The following DPP9 variants were observed in gnomAD, a reference collection of about 807,000 sequenced individuals.
The protein encoded by DPP9 is dipeptidyl peptidase IV-related protein-2.
DPP9 carries 50 observed loss-of-function variants against 110.7 expected under a neutral mutation model. That is an observed-to-expected ratio of 0.45 (90% CI 0.36 to 0.57). The LOEUF (loss-of-function observed/expected upper bound fraction) is 0.57, where lower values mean the gene tolerates loss of function less well. Among genes scored for constraint, DPP9 ranks in the 20% least tolerant of loss-of-function variants. DPP9 has a pLI of 0.00. For missense variants in DPP9, 1,022 were observed against 1,217.9 expected (o/e 0.84, Z 2.39); for synonymous variants, 561 against 514.4 (o/e 1.09, Z -1.23).
rs372739858 is a variant in DPP9 at position 4,695,560 on chromosome 19, G to A, written c.1176-5C>T. On this transcript the variant is annotated splice_region_variant and splice_polypyrimidine_tract_variant and intron_variant, in intron 11 of 21. Transcript: ENST00000262960. The surrounding 1 kb of genome is among the most constrained non-coding windows in gnomAD (Gnocchi z 4.7). Reference sequence around the variant, plus strand: ...TCCAGGAACATGGCCCAGGCGCTAAGGGGGAAGATGCGGGGGAAGATGAGA... The same window carrying A: ...TCCAGGAACATGGCCCAGGCGCTAAAGGGGAAGATGCGGGGGAAGATGAGA... 4.8e-6 allele frequency: 7 copies of A among 1,467,276 alleles called. No homozygotes were observed. In the African/African-American group the frequency reaches 8.7e-5, roughly 18 times the overall value. 90.9% of individuals were successfully genotyped at this position (1,467,276 alleles called of 1,614,324 possible). A position where few individuals can be genotyped will look rare whatever the true frequency, so the allele number is the denominator to read the frequency against.
chr19:4,683,208 G>A (rs934362730), intron 19 of DPP9: 157 of 1,427,280 alleles, frequency 1.1e-4, no homozygotes, highest in Non-Finnish European at 1.4e-4. Flanking sequence ...ATCCGAGGCC[G>A]GGGTCCCGGG....
At position 4,710,821 on chromosome 19, in the gene DPP9, C is replaced by T. The variant is rs1434487423; in HGVS notation, c.313+3260G>A. Among the ~76,000 whole-genome samples, 1 of 152,090 alleles carries T rather than the reference C, an allele frequency of 6.6e-6. No homozygotes were observed. Among genetic ancestry groups the T allele is most frequent in the Non-Finnish European group, 1.5e-5 (1 of 68,020 alleles). On this transcript the variant is annotated intron_variant, in intron 4 of 21. Coordinates refer to ENST00000262960, the MANE Select transcript of DPP9 (RefSeq NM_139159.5). This position sits in a 1 kb window ranked among gnomAD's most constrained non-coding sequence, Gnocchi z 5.6. ...TGGAGTCGTTGAAGGGTGAATTTCA[C>T]CCCGAAAGGGGCAGTCTGGTTTTTG... is the stretch of plus-strand genomic sequence containing the variant.
Position 4,695,495 on chromosome 19 carries a change from C to T in DPP9, c.1236G>A (p.Pro412=), listed in dbSNP as rs771985674. ...QQWLQLVLLP[P]ALFIPSTENE... ...TCTCTGTGCTCGGGATGAACAGGGC[C>T]GGGGGGAGGAGGACGAGCTGGAGCC... is the stretch of plus-strand genomic sequence containing the variant. The change falls in exon 12 of 22, where the codon CCG becomes CCA. Residue 412 remains proline, a synonymous_variant. Transcript: ENST00000262960. The surrounding 1 kb of genome is among the most constrained non-coding windows in gnomAD (Gnocchi z 4.7). 72 of 1,553,926 alleles carry T rather than the reference C, an allele frequency of 4.6e-5. No individual in the cohort carries two copies. Among genetic ancestry groups the T allele is most frequent in the Middle Eastern group, 1.7e-4 (1 of 5,908 alleles).
At chr19:4,683,433 G>T (rs1394070680) in intron 19 of DPP9, 44 bp downstream of exon 19, 1 of 1,610,484 alleles carries the variant, frequency 6.2e-7, no homozygotes. Context: ...TGGGGAAGGG[G>T]GCAGGGAGGG....
rs192661957 is a variant in DPP9 at position 4,684,899 on chromosome 19, C to T, written c.2032-90G>A. 5 of 1,509,968 alleles carry T rather than the reference C, an allele frequency of 3.3e-6. No homozygotes were observed. The highest frequency in any genetic ancestry group is 2.5e-5 in the East Asian group (1 of 40,736). The allele number at this position is 1,509,968 out of a possible 1,614,324, so 93.5% of individuals were successfully genotyped here. A position where few individuals can be genotyped will look rare whatever the true frequency, so the allele number is the denominator to read the frequency against. ...GATGCCGGTGGGCTGGGGACCGGGC[C>T]GGGCTGGGGCCTCAGAGCCTAATGA... is the stretch of plus-strand genomic sequence containing the variant. On this transcript the variant is annotated intron_variant, in intron 17 of 21. Transcript: ENST00000262960. This position sits in a 1 kb window ranked among gnomAD's most constrained non-coding sequence, Gnocchi z 4.8.
chr19:4,721,211 T>C (rs2093308536), intron 2 of DPP9, among the ~76,000 whole-genome samples: 1 of 152,156 alleles, frequency 6.6e-6, no homozygotes, highest in Non-Finnish European at 1.5e-5. Context: ...CAACCCTAAA[T>C]ATCAGTGGCA....
rs560114949 is a variant in DPP9 at position 4,693,435 on chromosome 19, A to G, written c.1516+1226T>C. Among the ~76,000 whole-genome samples, 17 of 152,200 alleles carry G rather than the reference A, an allele frequency of 1.1e-4. No homozygotes were observed. The East Asian group carries it at 3.3e-3, about 29-fold the overall frequency. On this transcript the variant is annotated intron_variant, in intron 13 of 21. Coordinates refer to ENST00000262960, the MANE Select transcript of DPP9 (RefSeq NM_139159.5). This position sits in a 1 kb window ranked among gnomAD's most constrained non-coding sequence, Gnocchi z 5.0. ...AGCATCTCCACTACCGGGCACCTCA[A>G]CTTGAACACATCCAAACCCGACTCT...
At chr19:4,681,842 CTTTTTTTTTTT>C (rs778786711) in intron 20 of DPP9, among the ~76,000 whole-genome samples, 6 of 115,742 alleles carry the variant, frequency 5.2e-5, no homozygotes, top group Non-Finnish European at 8.8e-5. Flanking sequence ...CCCAGGCAGA[CTTTTTTTTTTT>C]TTTTTTTTTT....
At chr19:4,713,855 T>C (rs2092949176) in intron 4 of DPP9, among the ~76,000 whole-genome samples, 1 of 152,120 alleles carries the variant, frequency 6.6e-6, no homozygotes, top group Non-Finnish European at 1.5e-5. Context: ...GCCCTGTGCA[T>C]GGCTCCCTGC....
intron 5 of DPP9, among the ~76,000 whole-genome samples, chr19:4,705,007 A>C (rs1233030418): frequency 6.6e-6 from 1 of 152,028 alleles, no homozygotes; most frequent in African/African-American, 2.4e-5. Context: ...CAAAAAAAAA[A>C]GCAGAATCAA....
rs561416184 is a variant in DPP9, at chr19:4,702,136, C to A, written c.903G>T (p.Thr301=). 8 of 1,612,986 alleles carry A rather than the reference C, an allele frequency of 5.0e-6. No individual in the cohort carries two copies. Among genetic ancestry groups the A allele is most frequent in the Non-Finnish European group, 5.1e-6 (6 of 1,179,362 alleles). ...ASWEGSEGLK[T]LRILYEEVDE... ...CGACTTCCTCATACAGGATTCGCAG[C>A]GTCTTGAGGCCCTCTGAACCTTGGG... is the stretch of plus-strand genomic sequence containing the variant. The change falls in exon 9 of 22, where the codon ACG becomes ACT. Residue 301 remains threonine, a synonymous_variant. Transcript: ENST00000262960.
chr19:4,697,095 T>C (rs938215622), intron 11 of DPP9, among the ~76,000 whole-genome samples: 11 of 150,396 alleles, frequency 7.3e-5, no homozygotes, highest in African/African-American at 1.5e-4. Context: ...CGAGACTCCA[T>C]CTCAAAAAAA....
Position 4,685,711 on chromosome 19 carries a change from C to A in DPP9, c.1946G>T (p.Arg649Leu). The A allele has an allele frequency of 6.2e-7, 1 of 1,613,488 alleles. No homozygotes were observed. The highest frequency in any genetic ancestry group is 8.5e-7 in the Non-Finnish European group (1 of 1,179,826). The change falls in exon 17 of 22, where the codon CGG becomes CTG. Residue 649 changes from arginine to leucine, a missense_variant. Arg to Leu is a moderately radical substitution (Grantham distance 102, BLOSUM62 -2). Around this residue, in one of 3 missense-constraint regions of DPP9, gnomAD observed 810 missense variants for 920.6 expected, o/e 0.88. Transcript: ENST00000262960. The surrounding 1 kb of genome is among the most constrained non-coding windows in gnomAD (Gnocchi z 5.8). ...IFHFHTRSDV[R>L]LYGMIYKPHA... ...GGGCTTGTAGATCATGCCGTAGAGC[C>A]GCACATCCGAGCGCGTGTGGAAATG...
chr19:4,683,942 A>C (rs2090300288), intron 18 of DPP9: 1 of 834,288 alleles, frequency 1.2e-6, no homozygotes, highest in African/African-American at 1.7e-5. Context: ...AGAGGGCACA[A>C]GGAAGAAAAA....
At chr19:4,677,519 C>G (rs1207291967) in intron 21 of DPP9, among the ~76,000 whole-genome samples, 1 of 152,170 alleles carries the variant, frequency 6.6e-6, no homozygotes, top group Non-Finnish European at 1.5e-5. Flanking sequence ...ACCAAGCCAC[C>G]CACTGGTTTC....
chr19:4,722,169 G>A, intron 2 of DPP9: 1 of 302,152 alleles, frequency 3.3e-6, no homozygotes. Flanking sequence ...GTCCTTTCAG[G>A]GCCAGAATCC....
rs181220535 is a variant in DPP9, at chr19:4,698,615, G to A, written c.1075-964C>T. On this transcript the variant is annotated intron_variant, in intron 10 of 21. Transcript: ENST00000262960. The surrounding 1 kb of genome is among the most constrained non-coding windows in gnomAD (Gnocchi z 4.2). Reference sequence around the variant, plus strand: ...AAACCCACAATTAGTTAGGTGTGGTGGTGCATGCCTGTAGTCCCAGCTACT... The same window carrying A: ...AAACCCACAATTAGTTAGGTGTGGTAGTGCATGCCTGTAGTCCCAGCTACT... Among the ~76,000 whole-genome samples the A allele has an allele frequency of 6.6e-6, 1 of 152,264 alleles. No homozygotes were observed. Among genetic ancestry groups the A allele is most frequent in the African/African-American group, 2.4e-5 (1 of 41,566 alleles).
At chr19:4,719,761 A>G (rs933620631) in intron 3 of DPP9, 90 bp downstream of exon 3, 9 of 1,454,334 alleles carry the variant, frequency 6.2e-6, no homozygotes, top group Middle Eastern at 3.5e-4. Context: ...GGGAGAGGGA[A>G]AGAAGGGGCC....
intron 8 of DPP9, 143 bp from the exon 9 acceptor site, chr19:4,702,298 G>C (rs2092310829): frequency 3.4e-6 from 4 of 1,179,664 alleles, no homozygotes; most frequent in South Asian, 1.6e-5. Flanking sequence ...CCATTCGCTA[G>C]ACCTTATGCC....
Sources: gnomAD v4.1 joint callset for allele counts (sites outside exome capture counted in the v4.1 genomes callset) on GRCh38, gnomAD v4.1.1 for gene constraint, gnomAD v4.1.1 regional missense constraint, Gnocchi (gnomAD v3.1) non-coding constraint, MANE v1.5 for transcripts, NCBI Gene and HGNC (gene_info 2026-07-23, HGNC 2026-07-21) for gene names.